AP4M1: variants seen among roughly 807,000 people sequenced by gnomAD.
AP4M1 encodes the protein AP-4 complex subunit mu-1.
AP4M1 carries 58 observed loss-of-function variants against 62.4 expected under a neutral mutation model. The observed-to-expected ratio is 0.93, with a 90% CI of 0.75 to 1.16. The LOEUF (loss-of-function observed/expected upper bound fraction) is 1.16, where lower values mean the gene tolerates loss of function less well. Ranked by LOEUF, AP4M1 falls within the 50% of genes most tolerant of loss-of-function variation. The pLI, the probability that AP4M1 is intolerant of heterozygous loss-of-function variation, is 0.00. For missense variants in AP4M1, 626 were observed against 585.4 expected (o/e 1.07, Z -0.72); for synonymous variants, 290 against 239.7 (o/e 1.21, Z -1.94).
chr7:100,100,950 A>C, upstream of AP4M1: 1 of 1,053,116 alleles, frequency 9.5e-7, no homozygotes, highest in Non-Finnish European at 1.3e-6. Flanking sequence ...AGAGCCCTTA[A>C]GACTCTCCTG....
chr7:100,104,813 C>T (rs1473544318), intron 7 of AP4M1, 61 bp from the exon 8 acceptor site: 36 of 1,592,528 alleles, frequency 2.3e-5, no homozygotes, highest in African/African-American at 9.4e-5. Flanking sequence ...GGCGACAGAG[C>T]GAGACCGTCT....
At position 100,104,943 on chromosome 7, in the gene AP4M1, G is replaced by A; in HGVS notation, c.673+3G>A. 1 of 1,614,190 alleles carries A rather than the reference G, an allele frequency of 6.2e-7. No homozygotes were observed. Among genetic ancestry groups the A allele is most frequent in the South Asian group, 1.1e-5 (1 of 91,088 alleles). On this transcript the variant is annotated splice_donor_region_variant and intron_variant, in intron 8 of 14. Coordinates refer to ENST00000359593, the MANE Select transcript of AP4M1 (RefSeq NM_004722.4). ...GAGCTTCCTTCCTAGCGGCTCTGGT[G>A]AGGCATCTGCAGGCAGGACCAAGGG...
upstream of AP4M1, chr7:100,101,557 G>C (rs777456523): frequency 6.2e-5 from 52 of 839,156 alleles, no homozygotes; most frequent in Middle Eastern, 2.0e-3. Flanking sequence ...ATCTCCGGGC[G>C]GGGTAGTGCA....
Position 100,108,089 on chromosome 7 carries a change from T to C in AP4M1, c.*1207T>C. On this transcript the variant is annotated 3_prime_UTR_variant, in exon 15 of 15. Coordinates refer to ENST00000359593, the MANE Select transcript of AP4M1 (RefSeq NM_004722.4). ...CAAGCCAGGGGTGCGAGGGCCAGGC[T>C]GTGGGGCCTGCGAGAGGGTCAGCGT... The C allele has an allele frequency of 6.2e-7, 1 of 1,609,494 alleles. No individual in the cohort carries two copies. The highest frequency in any genetic ancestry group is 8.5e-7 in the Non-Finnish European group (1 of 1,178,814).
At chr7:100,101,629 A>G (rs1796039453), upstream of AP4M1, 5 of 1,366,504 alleles carry the variant, frequency 3.7e-6, no homozygotes, top group Non-Finnish European at 5.2e-6. Context: ...TTAAAGGGCC[A>G]GCGCACACGC....
At position 100,108,638 on chromosome 7, in the gene AP4M1, G is replaced by C; in HGVS notation, c.*1756G>C. On this transcript the variant is annotated 3_prime_UTR_variant, in exon 15 of 15. Coordinates refer to ENST00000359593, the MANE Select transcript of AP4M1 (RefSeq NM_004722.4). ...ACTCTTGAGAAGAACCTTGGGGATG[G>C]GGTAAAAAAGGACATTCCTTATCAT... 2 of 1,349,204 alleles carry C rather than the reference G, an allele frequency of 1.5e-6. No individual in the cohort carries two copies. Among genetic ancestry groups the C allele is most frequent in the East Asian group, 4.7e-5 (2 of 42,868 alleles). 83.6% of individuals were successfully genotyped at this position (1,349,204 alleles called of 1,614,324 possible).
At position 100,107,245 on chromosome 7, in the gene AP4M1, A is replaced by G. The variant is rs1387556525; in HGVS notation, c.*363A>G. ...GAATCCGGGGGCTGGCAGGTGGAGC[A>G]TCACGGAGCAGGCTGAGGGGAGCCG... is the stretch of plus-strand genomic sequence containing the variant. On this transcript the variant is annotated 3_prime_UTR_variant, in exon 15 of 15. Coordinates refer to ENST00000359593, the MANE Select transcript of AP4M1 (RefSeq NM_004722.4). The G allele has an allele frequency of 6.6e-7, 1 of 1,522,046 alleles. No individual in the cohort carries two copies. Among genetic ancestry groups the G allele is most frequent in the Admixed American group, 2.2e-5 (1 of 44,794 alleles). The allele number at this position is 1,522,046 out of a possible 1,614,324, so 94.3% of individuals were successfully genotyped here.
At chr7:100,104,849 T>C in intron 7 of AP4M1, 25 bp from the exon 8 acceptor site, 1 of 1,613,708 alleles carries the variant, frequency 6.2e-7, no homozygotes, top group East Asian at 2.2e-5. Context: ...AAAAAGACTC[T>C]AACCTTGACG....
At chr7:100,100,983 C>T, upstream of AP4M1, 1 of 908,124 alleles carries the variant, frequency 1.1e-6, no homozygotes, top group Non-Finnish European at 1.6e-6. Flanking sequence ...CGACTTTTCC[C>T]TGTGCAGCCC....
chr7:100,106,563 C>CGG, intron 14 of AP4M1, 49 bp downstream of exon 14: 2 of 1,540,846 alleles, frequency 1.3e-6, no homozygotes, highest in Admixed American at 1.7e-5. Flanking sequence ...TCACTTGCAG[C>CGG]CCCCACCCCA....
At chr7:100,102,325 A>C (rs1441011241) in intron 2 of AP4M1, 1 of 482,798 alleles carries the variant, frequency 2.1e-6, no homozygotes, top group Non-Finnish European at 3.8e-6. Flanking sequence ...CAAGAGGCAG[A>C]GGTTGCAGTG....
At position 100,103,887 on chromosome 7, in the gene AP4M1, C is replaced by CA. The variant is rs10671291; in HGVS notation, c.544-186dup. 0.095 allele frequency among the ~76,000 whole-genome samples: 8,770 copies of CA among 91,928 alleles called. 604 individuals are homozygous for CA. Among genetic ancestry groups the CA allele is most frequent in the African/African-American group, 0.22 (4,992 of 22,710 alleles). 60.3% of individuals were successfully genotyped at this position (91,928 alleles called of 152,430 possible). On this transcript the variant is annotated intron_variant, in intron 6 of 14. Coordinates refer to ENST00000359593, the MANE Select transcript of AP4M1 (RefSeq NM_004722.4). ...TGAAAACCTGTCTCTACTAAAAATG[C>CA]AAAAAAAAAAAAAAAAAAAGAAAAA...
chr7:100,106,250 C>G lies in AP4M1; in HGVS notation c.984C>G (p.Leu328=), dbSNP rs150139126. Residue 328 remains leucine (L), a synonymous_variant, in exon 13 of 15, where the codon CTC becomes CTG. Coordinates refer to ENST00000359593, the MANE Select transcript of AP4M1 (RefSeq NM_004722.4). ...RCDLLSKSQA[L]NVRLHLPLPR... is the part of the protein sequence containing the mutation. The stretch of plus-strand genomic sequence containing the variant: ...CCCGTCTCCTCTGTAGCCAAGCCCT[C>G]AATGTCAGGCTGCACCTCCCCCTGC... 6.2e-7 allele frequency: 1 copy of G among 1,614,008 alleles called. No homozygotes were observed. The highest frequency in any genetic ancestry group is 1.3e-5 in the African/African-American group (1 of 74,934).
chr7:100,106,901 A>C lies in AP4M1; in HGVS notation c.*19A>C, dbSNP rs768645051. ...GATCTGAGGCTCCCCAAACGAGGAC[A>C]CGACGGCCAAGGTGGCAGTTTGTCC... On this transcript the variant is annotated 3_prime_UTR_variant, in exon 15 of 15. Coordinates refer to ENST00000359593, the MANE Select transcript of AP4M1 (RefSeq NM_004722.4). 5.6e-6 allele frequency: 9 copies of C among 1,607,636 alleles called. No homozygotes were observed. In the South Asian group the frequency reaches 9.9e-5, roughly 18 times the overall value.
At chr7:100,105,926 G>T (rs780942051) in intron 11 of AP4M1, 33 bp from the exon 12 acceptor site, 1 of 1,613,642 alleles carries the variant, frequency 6.2e-7, no homozygotes, top group East Asian at 2.2e-5. Context: ...GTAGAAGATG[G>T]CCTGAGTCGT....
rs1796613938 is a variant in AP4M1, at chr7:100,107,283, G to C, written c.*401G>C. 9.2e-6 allele frequency: 14 copies of C among 1,524,686 alleles called. No homozygotes were observed. The highest frequency in any genetic ancestry group is 1.1e-5 in the Non-Finnish European group (13 of 1,139,256). The allele number at this position is 1,524,686 out of a possible 1,614,324, so 94.4% of individuals were successfully genotyped here. ...CTGAGGGGAGCCGGAGTTGGGCTGG[G>C]AGCCATTGGCTTTTGGAGTCCCTGG... On this transcript the variant is annotated 3_prime_UTR_variant, in exon 15 of 15. Transcript: ENST00000359593.
rs565296810 is a variant in AP4M1 at position 100,105,315 on chromosome 7, G to A, written c.803G>A (p.Arg268Gln). 83 of 1,613,904 alleles carry A rather than the reference G, an allele frequency of 5.1e-5. No homozygotes were observed. Among genetic ancestry groups the A allele is most frequent in the Middle Eastern group, 1.6e-4 (1 of 6,084 alleles). ...AATCTGGACGAATTTGAGTCTCATCGAATCCTCCGCTTGCAACCACCTCAG... is the reference window on the plus strand; with the variant it reads ...AATCTGGACGAATTTGAGTCTCATCAAATCCTCCGCTTGCAACCACCTCAG... ...SVNLDEFESH[R>Q]ILRLQPPQGE... Residue 268 changes from arginine to glutamine, a missense_variant, in exon 10 of 15, where the codon CGA (arginine) becomes CAA (glutamine). Physicochemically the swap from Arg to Gln is conservative, Grantham distance 43. Coordinates refer to ENST00000359593, the MANE Select transcript of AP4M1 (RefSeq NM_004722.4).
chr7:100,102,319 AG>A, intron 2 of AP4M1: 3 of 502,638 alleles, frequency 6.0e-6, no homozygotes, highest in Non-Finnish European at 1.1e-5. Context: ...TGAATCCAAG[AG>A]GCAGAGGTTG....
chr7:100,106,214 C>T, intron 12 of AP4M1, 27 bp from the exon 13 acceptor site: 1 of 1,613,870 alleles, frequency 6.2e-7, no homozygotes, highest in African/African-American at 1.3e-5. Context: ...CTTCCTGGGG[C>T]TGACTTTGTT....
Sources: allele counts gnomAD v4.1 joint callset (sites outside exome capture counted in the v4.1 genomes callset), GRCh38; gene constraint gnomAD v4.1.1; transcripts MANE v1.5; gene names NCBI Gene and HGNC (gene_info 2026-07-23, HGNC 2026-07-21).